The following CEP63 variants were observed in gnomAD, a reference collection of about 807,000 sequenced individuals.
CEP63 encodes the protein centrosomal protein of 63 kDa.
Under a neutral mutation model 89.1 loss-of-function variants are expected in CEP63, and 84 were observed. The observed-to-expected ratio is 0.94, with a 90% CI of 0.79 to 1.13. The LOEUF is 1.13. Ranked by LOEUF, CEP63 falls within the 50% of genes most tolerant of loss-of-function variation. The pLI, the probability that CEP63 is intolerant of heterozygous loss-of-function variation, is 0.00. For synonymous variants in CEP63, 267 were observed against 272.5 expected, an observed-to-expected ratio of 0.98 and a Z score of 0.20; for missense variants, 838 against 813.3, an observed-to-expected ratio of 1.03 and a Z score of -0.37.
At chr3:134,547,505 A>T (rs770964108) in intron 9 of CEP63, 33 bp downstream of exon 9, 1 of 1,588,718 alleles carries the variant, frequency 6.3e-7, no homozygotes, top group Non-Finnish European at 8.6e-7. Context: ...CAAAAATTTC[A>T]AGTTGTTAAA....
chr3:134,774,024 A>G, the CEP63 span, among the ~76,000 whole-genome samples: 1 of 152,350 alleles, frequency 6.6e-6, no homozygotes, highest in Non-Finnish European at 1.5e-5. Flanking sequence ...TATATGCTGA[A>G]TACAATTGAG....
the CEP63 span, among the ~76,000 whole-genome samples, chr3:134,648,702 CT>C: frequency 6.6e-6 from 1 of 152,134 alleles, no homozygotes; most frequent in South Asian, 2.1e-4. Flanking sequence ...TCTTGTCCCC[CT>C]GACTCTTTTC....
the CEP63 span, among the ~76,000 whole-genome samples, chr3:134,668,343 G>T: frequency 6.6e-6 from 1 of 152,132 alleles, no homozygotes. Flanking sequence ...CCCTGGCCAG[G>T]TCAGGGAGGG....
chr3:134,548,472 A>T (rs1218246545), intron 9 of CEP63, among the ~76,000 whole-genome samples: 2 of 152,186 alleles, frequency 1.3e-5, no homozygotes, highest in Non-Finnish European at 2.9e-5. Flanking sequence ...GGTTTTTCAT[A>T]ACCTCTCAAC....
At chr3:134,757,070 T>C in the CEP63 span, among the ~76,000 whole-genome samples, 2 of 152,166 alleles carry the variant, frequency 1.3e-5, no homozygotes, top group Non-Finnish European at 2.9e-5. Flanking sequence ...CAGACCACCA[T>C]GTTCCCATGG....
chr3:134,608,936 G>A, the CEP63 span: 2 of 1,385,034 alleles, frequency 1.4e-6, no homozygotes, highest in Non-Finnish European at 9.7e-7. Context: ...CCCTGGATGG[G>A]AAGAGGCACC....
intron 10 of CEP63, 63 bp downstream of exon 10, chr3:134,549,239 G>A (rs1488372999): frequency 4.1e-6 from 4 of 976,830 alleles, no homozygotes; most frequent in African/African-American, 1.6e-5. Context: ...CTGTGGATTG[G>A]GAGATTATAG....
intron 12 of CEP63, among the ~76,000 whole-genome samples, chr3:134,557,710 A>G (rs1236222496): frequency 6.6e-6 from 1 of 152,212 alleles, no homozygotes; most frequent in African/African-American, 2.4e-5. Context: ...TGTCCCTGCC[A>G]GCCAGAAGAT....
the CEP63 span, among the ~76,000 whole-genome samples, chr3:134,761,572 G>A: frequency 0.62 from 94,705 of 152,038 alleles, 31,441 homozygotes; most frequent in East Asian, 0.87. Flanking sequence ...TTGCTGACAC[G>A]GCCAACAGCA....
the CEP63 span, among the ~76,000 whole-genome samples, chr3:134,723,947 G>C: frequency 7.2e-5 from 11 of 152,280 alleles, no homozygotes; most frequent in Non-Finnish European, 1.6e-4. Flanking sequence ...CACAACTGCA[G>C]CAGAGTGCTC....
chr3:134,606,854 TA>T, the CEP63 span: 1 of 906,182 alleles, frequency 1.1e-6, no homozygotes, highest in Non-Finnish European at 1.3e-6. Context: ...GGCACTCTCC[TA>T]GAGCCTGGCA....
chr3:134,680,421 T>C, the CEP63 span, among the ~76,000 whole-genome samples: 134 of 152,324 alleles, frequency 8.8e-4, no homozygotes, highest in Non-Finnish European at 1.4e-3. Flanking sequence ...TTGAGGAGAC[T>C]GTGCGCTGTG....
the CEP63 span, among the ~76,000 whole-genome samples, chr3:134,758,296 G>A: frequency 1.3e-5 from 2 of 152,148 alleles, no homozygotes; most frequent in Admixed American, 1.3e-4. Context: ...GATTCATCTT[G>A]CAATTACTTT....
At chr3:134,642,749 A>C in the CEP63 span, among the ~76,000 whole-genome samples, 1 of 152,152 alleles carries the variant, frequency 6.6e-6, no homozygotes, top group Non-Finnish European at 1.5e-5. Flanking sequence ...AGAGGGAGGG[A>C]GGCTGGTTTC....
At chr3:134,506,659 C>T (rs887285468) in intron 2 of CEP63, among the ~76,000 whole-genome samples, 7 of 152,126 alleles carry the variant, frequency 4.6e-5, no homozygotes, top group Non-Finnish European at 1.0e-4. Context: ...TGGCTCACAC[C>T]TGTAATCCCA....
At chr3:134,696,724 G>A in the CEP63 span, among the ~76,000 whole-genome samples, 2 of 152,106 alleles carry the variant, frequency 1.3e-5, no homozygotes, top group African/African-American at 4.8e-5. Flanking sequence ...GAGGGTATGC[G>A]TGTGTATAAT....
intron 2 of CEP63, among the ~76,000 whole-genome samples, chr3:134,506,210 T>C (rs556045655): frequency 1.3e-5 from 2 of 152,350 alleles, no homozygotes; most frequent in East Asian, 3.9e-4. Context: ...CTCAGCAATA[T>C]CTGGCATCTC....
intron 3 of CEP63, among the ~76,000 whole-genome samples, chr3:134,521,702 A>G (rs1324179620): frequency 6.6e-6 from 1 of 152,170 alleles, no homozygotes; most frequent in Non-Finnish European, 1.5e-5. Context: ...TGTTACCTTC[A>G]TTAACAGCTA....
intron 12 of CEP63, among the ~76,000 whole-genome samples, chr3:134,554,810 T>G (rs2109992835): frequency 6.6e-6 from 1 of 152,332 alleles, no homozygotes; most frequent in South Asian, 2.1e-4. Context: ...ATTGTGGTTT[T>G]GATTTGCACT....
Sources: allele counts gnomAD v4.1 joint callset (sites outside exome capture counted in the v4.1 genomes callset), GRCh38; gene constraint gnomAD v4.1.1; transcripts MANE v1.5; gene names NCBI Gene and HGNC (gene_info 2026-07-23, HGNC 2026-07-21).